PCSK2: variants seen among roughly 807,000 people sequenced by gnomAD.
PCSK2 encodes the protein proprotein convertase subtilisin/kexin type 2.
A neutral mutation model predicts 69.7 loss-of-function variants in PCSK2; 14 were observed. That is an observed-to-expected ratio of 0.20 (90% CI 0.13 to 0.31). The LOEUF (loss-of-function observed/expected upper bound fraction) is 0.31, where lower values mean the gene tolerates loss of function less well. PCSK2 is among the 10% of genes least tolerant of loss of function. The probability of loss-of-function intolerance (pLI) is 1.00; values close to 1 mark genes in which losing one functional copy is unlikely to be tolerated. For synonymous variants in PCSK2, 307 were observed against 320.7 expected (o/e 0.96, Z 0.46); for missense variants, 544 against 842.5 (o/e 0.65, Z 4.39).
chr20:17,438,151 A>T (rs558478616), intron 8 of PCSK2, among the ~76,000 whole-genome samples: 8 of 152,286 alleles, frequency 5.3e-5, no homozygotes, highest in African/African-American at 1.7e-4. Context: ...CCATTTTGGG[A>T]ATGTTTTTAA....
chr20:17,275,412 C>G (rs370141670), intron 2 of PCSK2, among the ~76,000 whole-genome samples: 4 of 152,078 alleles, frequency 2.6e-5, no homozygotes, highest in African/African-American at 7.2e-5. Context: ...TTTTATGGTC[C>G]TCAATGTCCC....
At chr20:17,442,392 T>C (rs968878361) in intron 8 of PCSK2, among the ~76,000 whole-genome samples, 28 of 152,050 alleles carry the variant, frequency 1.8e-4, no homozygotes, top group Non-Finnish European at 2.9e-5. Flanking sequence ...GTTGTGGTCC[T>C]TCTGTAGCAG....
chr20:17,370,904 G>A (rs780868420), intron 5 of PCSK2, among the ~76,000 whole-genome samples: 1 of 152,190 alleles, frequency 6.6e-6, no homozygotes, highest in Non-Finnish European at 1.5e-5. Context: ...TCCTCACAGA[G>A]AGCAAGTGTG....
chr20:17,392,813 C>A (rs73087842), intron 5 of PCSK2, among the ~76,000 whole-genome samples: 3,130 of 152,286 alleles, frequency 0.021, 44 homozygotes, highest in Non-Finnish European at 0.03. Context: ...ATGTGTTTAT[C>A]TGTTTTCCAG....
intron 2 of PCSK2, among the ~76,000 whole-genome samples, chr20:17,301,168 C>A (rs373949534): frequency 6.6e-6 from 1 of 152,116 alleles, no homozygotes; most frequent in Admixed American, 6.5e-5. Context: ...ATGTATTTGA[C>A]GTTAGAAATT....
chr20:17,376,673 C>T (rs2030937610), intron 5 of PCSK2, among the ~76,000 whole-genome samples: 1 of 152,180 alleles, frequency 6.6e-6, no homozygotes, highest in African/African-American at 2.4e-5. Flanking sequence ...TTCATTTTGG[C>T]ACTTCATTCA....
At chr20:17,333,203 A>G (rs1422350363) in intron 2 of PCSK2, among the ~76,000 whole-genome samples, 1 of 152,216 alleles carries the variant, frequency 6.6e-6, no homozygotes, top group Non-Finnish European at 1.5e-5. Flanking sequence ...GATTTTGCAT[A>G]TGTCGTATGT....
At chr20:17,387,865 G>T (rs1568628983) in intron 5 of PCSK2, among the ~76,000 whole-genome samples, 1 of 152,162 alleles carries the variant, frequency 6.6e-6, no homozygotes, top group Non-Finnish European at 1.5e-5. Flanking sequence ...AATAACTACA[G>T]AAATAATTAT....
intron 2 of PCSK2, among the ~76,000 whole-genome samples, chr20:17,323,761 A>G (rs1320347656): frequency 6.6e-6 from 1 of 152,230 alleles, no homozygotes; most frequent in East Asian, 1.9e-4. Context: ...AGCCTAGGAC[A>G]GCATTTTTGT....
At chr20:17,447,680 A>T (rs1179810178) in intron 8 of PCSK2, among the ~76,000 whole-genome samples, 1 of 152,184 alleles carries the variant, frequency 6.6e-6, no homozygotes, top group Non-Finnish European at 1.5e-5. Context: ...CATATATAAG[A>T]TTATGTTCAT....
intron 8 of PCSK2, among the ~76,000 whole-genome samples, chr20:17,449,123 G>C (rs2032756167): frequency 6.6e-6 from 1 of 152,086 alleles, no homozygotes; most frequent in Admixed American, 6.5e-5. Context: ...TGCTCCTCCT[G>C]CCTCAAGGCT....
At chr20:17,355,191 A>C (rs1006684535) in intron 2 of PCSK2, among the ~76,000 whole-genome samples, 13 of 152,212 alleles carry the variant, frequency 8.5e-5, no homozygotes, top group African/African-American at 3.1e-4. Flanking sequence ...CTTGGTCTAA[A>C]TGAGTTTGGA....
At position 17,481,639 on chromosome 20, in the gene PCSK2, G is replaced by T; in HGVS notation, c.1486G>T (p.Gly496Trp). Residue 496 changes from glycine (G) to tryptophan (W), a missense_variant, in exon 12 of 12, where the codon GGG (glycine) becomes TGG (tryptophan). Physicochemically the swap from Gly to Trp is radical, Grantham distance 184 (BLOSUM62 -2). Coordinates refer to ENST00000262545, the MANE Select transcript of PCSK2 (RefSeq NM_002594.5). ...GACACTCACAACCGACGCCTGTGAG[G>T]GGAAGGAAAATTTTGTCCGCTACCT... Reference protein sequence around the residue: ...VLTLTTDACEGKENFVRYLEH... With the variant: ...VLTLTTDACEWKENFVRYLEH... 6.2e-7 allele frequency: 1 copy of T among 1,613,902 alleles called. No individual in the cohort carries two copies. The highest frequency in any genetic ancestry group is 2.2e-5 in the East Asian group (1 of 44,864).
intron 5 of PCSK2, among the ~76,000 whole-genome samples, chr20:17,384,842 G>T (rs993327638): frequency 6.6e-6 from 1 of 151,840 alleles, no homozygotes; most frequent in Non-Finnish European, 1.5e-5. Flanking sequence ...GAGACGGGAG[G>T]ATCTATTGAG....
intron 7 of PCSK2, among the ~76,000 whole-genome samples, chr20:17,431,246 G>T (rs1291671611): frequency 6.6e-6 from 1 of 152,152 alleles, no homozygotes; most frequent in Non-Finnish European, 1.5e-5. Flanking sequence ...ACACCCCTCA[G>T]AATTGACCCC....
rs1270522895 is a variant in PCSK2, at chr20:17,334,134, C to T, written c.283-24193C>T. Among the ~76,000 whole-genome samples, 4 of 151,784 alleles carry T rather than the reference C, an allele frequency of 2.6e-5. No individual in the cohort carries two copies. In the East Asian group the frequency reaches 5.9e-4, roughly 22 times the overall value. ...GAATCATTTCTCCCAGCATACTCTCCAGATTGGGGATCTGAAAGAGCAGTG... is the reference window on the plus strand; with the variant it reads ...GAATCATTTCTCCCAGCATACTCTCTAGATTGGGGATCTGAAAGAGCAGTG... On this transcript the variant is annotated intron_variant, in intron 2 of 11. Coordinates refer to ENST00000262545, the MANE Select transcript of PCSK2 (RefSeq NM_002594.5).
intron 8 of PCSK2, among the ~76,000 whole-genome samples, chr20:17,447,034 C>T (rs2123369210): frequency 6.6e-6 from 1 of 152,138 alleles, no homozygotes; most frequent in South Asian, 2.1e-4. Context: ...GGGCAGATCC[C>T]TTGAGGTCAG....
intron 11 of PCSK2, among the ~76,000 whole-genome samples, chr20:17,470,498 G>C (rs957195427): frequency 6.6e-6 from 1 of 152,122 alleles, no homozygotes; most frequent in Non-Finnish European, 1.5e-5. Flanking sequence ...TGCAAGAAAG[G>C]CTTGCTGGTC....
intron 6 of PCSK2, among the ~76,000 whole-genome samples, chr20:17,414,786 A>G (rs1370763750): frequency 1.3e-5 from 2 of 152,360 alleles, no homozygotes; most frequent in East Asian, 1.9e-4. Flanking sequence ...AAAATCCTCA[A>G]TAAAATACTG....
Sources: gnomAD v4.1 joint callset for allele counts (sites outside exome capture counted in the v4.1 genomes callset) on GRCh38, gnomAD v4.1.1 for gene constraint, MANE v1.5 for transcripts, NCBI Gene and HGNC (gene_info 2026-07-23, HGNC 2026-07-21) for gene names.